The following COL18A1 variants were observed in gnomAD, a reference collection of about 807,000 sequenced individuals.
COL18A1 encodes collagen alpha-1(XVIII) chain.
COL18A1 carries 133 observed loss-of-function variants against 168.0 expected under a neutral mutation model. The observed-to-expected ratio is 0.79, with a 90% CI of 0.69 to 0.91. The LOEUF (loss-of-function observed/expected upper bound fraction) is 0.91. Ranked by LOEUF, COL18A1 falls within the 40% of genes least tolerant of loss-of-function variation. The pLI is 0.00. For synonymous variants in COL18A1, 949 were observed against 809.0 expected (o/e 1.17, Z -2.94); for missense variants, 2,126 against 1,925.4 (o/e 1.10, Z -1.95).
At chr21:45,409,447 T>C (rs11089001) in intron 2 of COL18A1, among the ~76,000 whole-genome samples, 25,204 of 152,108 alleles carry the variant, frequency 0.17, 3,054 homozygotes, top group East Asian at 0.51. Context: ...CCTCTGGGCT[T>C]GGGTGCTCCT....
In COL18A1 at chr21:45,486,841, G is replaced by C. The variant is rs374576102; in HGVS notation, c.1702-20G>C. 6.6e-7 allele frequency: 1 copy of C among 1,526,436 alleles called. No individual in the cohort carries two copies. The highest frequency in any genetic ancestry group is 1.4e-5 in the African/African-American group (1 of 72,168). The allele number at this position is 1,526,436 out of a possible 1,614,324, so 94.6% of individuals were successfully genotyped here. A position where few individuals can be genotyped will look rare whatever the true frequency, so the allele number is the denominator to read the frequency against. On this transcript the variant is annotated intron_variant, in intron 15 of 41. Transcript: ENST00000651438. ...CGGGGGCTGGGCTGGGTCCTGACAC[G>C]CTCTCCTCACCCCACGCAGGGGAGC... is the stretch of plus-strand genomic sequence containing the variant.
chr21:45,470,180 A>G (rs2035360516), intron 3 of COL18A1, among the ~76,000 whole-genome samples: 2 of 151,712 alleles, frequency 1.3e-5, no homozygotes, highest in African/African-American at 4.8e-5. Context: ...CGTGTGTAGG[A>G]AGAGGGGGTC....
intron 34 of COL18A1, 120 bp from the exon 35 acceptor site, chr21:45,505,014 A>G: frequency 7.8e-7 from 1 of 1,278,032 alleles, no homozygotes; most frequent in Non-Finnish European, 1.1e-6. Context: ...CAGGGAGGGG[A>G]CCGGTGACTC....
rs1261417467 is a variant in COL18A1 at position 45,509,532 on chromosome 21, C to T, written c.3426C>T (p.Ser1142=). The change falls in exon 39 of 42, where the codon TCC becomes TCT. Residue 1142 remains serine, a synonymous_variant. Transcript: ENST00000651438. ...ACCCCGGAGCCCCGCACCACAGCTC[C>T]TACGTGCACCTGCGGCCGGCGCGAC... The part of the protein sequence containing the change: ...QPYPGAPHHS[S]YVHLRPARPT... The T allele has an allele frequency of 5.8e-6, 9 of 1,538,894 alleles. No individual in the cohort carries two copies. Among genetic ancestry groups the T allele is most frequent in the Admixed American group, 5.7e-5 (3 of 52,968 alleles).
chr21:45,474,871 C>A (rs922304731), intron 4 of COL18A1, among the ~76,000 whole-genome samples: 1 of 152,094 alleles, frequency 6.6e-6, no homozygotes, highest in Non-Finnish European at 1.5e-5. Context: ...GCCCAATAAG[C>A]CCGTTGTTTT....
intron 17 of COL18A1, 120 bp downstream of exon 17, chr21:45,487,629 T>A: frequency 7.7e-7 from 1 of 1,305,474 alleles, no homozygotes; most frequent in Non-Finnish European, 1.1e-6. Flanking sequence ...TGCAGAGCCG[T>A]GAGGACCACG....
At position 45,455,476 on chromosome 21, in the gene COL18A1, C is replaced by T. The variant is rs976198093; in HGVS notation, c.107-12766C>T. On this transcript the variant is annotated intron_variant, in intron 2 of 41. Coordinates refer to ENST00000651438, the MANE Select transcript of COL18A1 (RefSeq NM_001379500.1). ...AGGAGGGCGTGAGCCTGGCTAGCCC[C>T]ACCTCCAGGCACAGAGGCCCTCCCG... The T allele has an allele frequency of 2.5e-6, 4 of 1,604,448 alleles. No individual in the cohort carries two copies. The Admixed American group carries it at 5.0e-5, about 20-fold the overall frequency.
chr21:45,506,199 A>C, intron 37 of COL18A1: 1 of 575,558 alleles, frequency 1.7e-6, no homozygotes, highest in Admixed American at 2.8e-5. Flanking sequence ...ATGGCGTGTG[A>C]GGGGCTCCTG....
At chr21:45,452,955 T>C (rs570238245) in intron 2 of COL18A1, among the ~76,000 whole-genome samples, 16 of 145,416 alleles carry the variant, frequency 1.1e-4, no homozygotes, top group African/African-American at 3.7e-4. Context: ...TGTATGTACA[T>C]GTGTGACCTT....
intron 26 of COL18A1, 177 bp from the exon 27 acceptor site, chr21:45,494,368 G>C: frequency 2.5e-6 from 2 of 796,118 alleles, no homozygotes; most frequent in Non-Finnish European, 4.1e-6. Context: ...CCCCAGGGCT[G>C]CCTGCGCCTT....
chr21:45,462,631 G>T (rs2035082764), intron 2 of COL18A1, among the ~76,000 whole-genome samples: 1 of 152,074 alleles, frequency 6.6e-6, no homozygotes, highest in South Asian at 2.1e-4. Context: ...ATATTTCCAT[G>T]TTGTTCATAC....
Position 45,512,498 on chromosome 21 carries a change from G to A in COL18A1, c.*100G>A. The A allele has an allele frequency of 2.8e-6, 3 of 1,082,678 alleles. No homozygotes were observed. Among genetic ancestry groups the A allele is most frequent in the African/African-American group, 1.6e-5 (1 of 64,504 alleles). The allele number at this position is 1,082,678 out of a possible 1,614,324, so 67.1% of individuals were successfully genotyped here. On this transcript the variant is annotated 3_prime_UTR_variant, in exon 42 of 42. Transcript: ENST00000651438. ...GGCCAGCCCCTGGCCCCAGGACCTG[G>A]CTGCCATACTTTCCTGTATAGTTCA...
At chr21:45,496,674 C>T (rs535560000) in intron 30 of COL18A1, 106 bp downstream of exon 30, 41 of 763,822 alleles carry the variant, frequency 5.4e-5, no homozygotes, top group South Asian at 4.0e-4. Flanking sequence ...GTCTGGGGGT[C>T]CTTCTAGGAT....
chr21:45,483,464 C>T (rs1448191926), intron 15 of COL18A1, among the ~76,000 whole-genome samples: 1 of 152,092 alleles, frequency 6.6e-6, no homozygotes, highest in Non-Finnish European at 1.5e-5. Context: ...TTATCTGACA[C>T]CCCCCCAACG....
intron 32 of COL18A1, among the ~76,000 whole-genome samples, chr21:45,499,961 T>C (rs1187828282): frequency 6.6e-6 from 1 of 152,196 alleles, no homozygotes; most frequent in African/African-American, 2.4e-5. Flanking sequence ...ATACATCCAT[T>C]GAAGGACAGA....
At chr21:45,426,941 G>A (rs913949138) in intron 2 of COL18A1, among the ~76,000 whole-genome samples, 1 of 152,198 alleles carries the variant, frequency 6.6e-6, no homozygotes, top group African/African-American at 2.4e-5. Flanking sequence ...GGGGTGCCGT[G>A]CACACAGGTG....
At chr21:45,479,612 CACACAT>C (rs963324101) in intron 9 of COL18A1, among the ~76,000 whole-genome samples, 45 of 145,424 alleles carry the variant, frequency 3.1e-4, no homozygotes, top group Admixed American at 8.3e-4. Flanking sequence ...CACACACACA[CACACAT>C]GTATGTAACA....
chr21:45,489,454 C>T (rs374080284), intron 18 of COL18A1, 32 bp from the exon 19 acceptor site: 6 of 1,555,548 alleles, frequency 3.9e-6, no homozygotes, highest in Non-Finnish European at 5.3e-6. Context: ...CTGGCCCCAG[C>T]AGGTGCTCAC....
chr21:45,485,530 T>C (rs1234263390), intron 15 of COL18A1, among the ~76,000 whole-genome samples: 1 of 151,988 alleles, frequency 6.6e-6, no homozygotes, highest in Non-Finnish European at 1.5e-5. Context: ...TTAAAGACGA[T>C]AAAAGGATGC....
Sources: gnomAD v4.1 joint callset for allele counts (sites outside exome capture counted in the v4.1 genomes callset) on GRCh38, gnomAD v4.1.1 for gene constraint, MANE v1.5 for transcripts, NCBI Gene and HGNC (gene_info 2026-07-23, HGNC 2026-07-21) for gene names.